Variants in TLX1 observed in about 807,000 individuals in gnomAD.
The protein encoded by TLX1 is T cell leukemia homeobox 1.
In TLX1, 6 loss-of-function variants were observed where a neutral mutation model predicts 26.5. The ratio of observed to expected loss-of-function variants is 0.23; its 90% confidence interval spans 0.12 to 0.45. The LOEUF (loss-of-function observed/expected upper bound fraction) is 0.45, where lower values mean the gene tolerates loss of function less well. Among genes scored for constraint, TLX1 ranks in the 20% least tolerant of loss-of-function variants. TLX1 has a pLI of 0.99. For missense variants in TLX1, 418 were observed against 482.6 expected (o/e 0.87, Z 1.25); for synonymous variants, 217 against 219.7 (o/e 0.99, Z 0.11).
At position 101,132,009 on chromosome 10, in the gene TLX1, C is replaced by G. The variant is rs767992994; in HGVS notation, c.468C>G (p.Thr156=). 12 of 1,525,322 alleles carry G rather than the reference C, an allele frequency of 7.9e-6. No individual in the cohort carries two copies. The highest frequency in any genetic ancestry group is 9.6e-6 in the Non-Finnish European group (11 of 1,145,264). 94.5% of individuals were successfully genotyped at this position (1,525,322 alleles called of 1,614,324 possible). ...HPQPLATGLP[T]VPSVPAMPGV... ...AGCCCCTGGCCACCGGCTTGCCCACCGTGCCCTCTGTGCCTGCCATGCCGG... is the reference window on the plus strand; with the variant it reads ...AGCCCCTGGCCACCGGCTTGCCCACGGTGCCCTCTGTGCCTGCCATGCCGG... The change falls in exon 1 of 3, where the codon ACC becomes ACG. Residue 156 remains threonine (T), a synonymous_variant. Coordinates refer to ENST00000370196, the MANE Select transcript of TLX1 (RefSeq NM_005521.4). This position sits in a 1 kb window ranked among gnomAD's most constrained non-coding sequence, Gnocchi z 4.1.
chr10:101,137,295 A>G lies in TLX1; in HGVS notation c.*382A>G. On this transcript the variant is annotated 3_prime_UTR_variant, in exon 3 of 3. Transcript: ENST00000370196. ...TGCCCTGGGAAACCCCTTCTCTGTG[A>G]CCCACTTCTCATCACACACATGGAA... is the stretch of plus-strand genomic sequence containing the variant. The G allele has an allele frequency of 6.1e-6, 2 of 327,712 alleles. No individual in the cohort carries two copies. The highest frequency in any genetic ancestry group is 1.1e-4 in the South Asian group (2 of 18,148). 20.3% of individuals were successfully genotyped at this position (327,712 alleles called of 1,614,324 possible). A position where few individuals can be genotyped will look rare whatever the true frequency, so the allele number is the denominator to read the frequency against.
chr10:101,131,607 C>T lies in TLX1; in HGVS notation c.66C>T (p.Asp22=). ...CAGAGCCCATTAGCTTCGGCATCGACCAGATCCTCAACAGCCCGGACCAGG... is the reference window on the plus strand; with the variant it reads ...CAGAGCCCATTAGCTTCGGCATCGATCAGATCCTCAACAGCCCGGACCAGG... ...GHAEPISFGI[D]QILNSPDQGG... The change falls in exon 1 of 3, where the codon GAC becomes GAT. Residue 22 remains aspartate, a synonymous_variant. Transcript: ENST00000370196. 2 of 1,565,864 alleles carry T rather than the reference C, an allele frequency of 1.3e-6. No individual in the cohort carries two copies. Among genetic ancestry groups the T allele is most frequent in the Non-Finnish European group, 1.7e-6 (2 of 1,159,222 alleles).
chr10:101,132,084 C>G lies in TLX1; in HGVS notation c.543C>G (p.Arg181=), dbSNP rs1401947921. ...CCTTCCCCTGGATGGAGAGTAACCG[C>G]AGATACACAAAGGACAGGTTCACAG... The part of the protein sequence containing the change: ...GLTFPWMESN[R]RYTKDRFTGH... Residue 181 remains arginine, a synonymous_variant, in exon 1 of 3, where the codon CGC becomes CGG. Coordinates refer to ENST00000370196, the MANE Select transcript of TLX1 (RefSeq NM_005521.4). This position sits in a 1 kb window ranked among gnomAD's most constrained non-coding sequence, Gnocchi z 4.1. 2 of 1,433,218 alleles carry G rather than the reference C, an allele frequency of 1.4e-6. No individual in the cohort carries two copies. Among genetic ancestry groups the G allele is most frequent in the Non-Finnish European group, 9.1e-7 (1 of 1,097,526 alleles). 88.8% of individuals were successfully genotyped at this position (1,433,218 alleles called of 1,614,324 possible).
At position 101,131,413 on chromosome 10, in the gene TLX1, C is replaced by T. The variant is rs531859900; in HGVS notation, c.-129C>T. 3.2e-5 allele frequency: 20 copies of T among 625,330 alleles called. No homozygotes were observed. The South Asian group carries it at 7.9e-4, about 25-fold the overall frequency. 38.7% of individuals were successfully genotyped at this position (625,330 alleles called of 1,614,324 possible). A position where few individuals can be genotyped will look rare whatever the true frequency, so the allele number is the denominator to read the frequency against. ...CCCTCCCCCTTCTACTTTAGCCTTTCTGCGCACTTCGCTTCCAAGTCTCCG... is the reference window on the plus strand; with the variant it reads ...CCCTCCCCCTTCTACTTTAGCCTTTTTGCGCACTTCGCTTCCAAGTCTCCG... On this transcript the variant is annotated 5_prime_UTR_variant, in exon 1 of 3. Transcript: ENST00000370196.
At chr10:101,133,031 G>T (rs959824727) in intron 1 of TLX1, 2 of 152,340 alleles carry the variant, frequency 1.3e-5, no homozygotes, top group Admixed American at 6.5e-5. Context: ...CCTAGACCAC[G>T]ATCCTTCCGT....
rs1232606098 is a variant in TLX1, at chr10:101,132,818, G to C, written c.568+709G>C. 1 of 152,312 alleles carries C rather than the reference G, an allele frequency of 6.6e-6. No homozygotes were observed. Among genetic ancestry groups the C allele is most frequent in the African/African-American group, 2.4e-5 (1 of 41,444 alleles). 9.4% of individuals were successfully genotyped at this position (152,312 alleles called of 1,614,324 possible). A position where few individuals can be genotyped will look rare whatever the true frequency, so the allele number is the denominator to read the frequency against. ...GGCACGAACAATGCACCGGTAGGCT[G>C]GTGATCGGTGGCGGGAAGACTACTC... On this transcript the variant is annotated intron_variant, in intron 1 of 2. Coordinates refer to ENST00000370196, the MANE Select transcript of TLX1 (RefSeq NM_005521.4). The surrounding 1 kb of genome is among the most constrained non-coding windows in gnomAD (Gnocchi z 4.1).
At chr10:101,136,598 G>A (rs939195440) in intron 2 of TLX1, 93 bp from the exon 3 acceptor site, 1 of 1,606,220 alleles carries the variant, frequency 6.2e-7, no homozygotes, top group Non-Finnish European at 8.5e-7. Context: ...AGCAGCGCTC[G>A]TTCAGTTTAT....
intron 2 of TLX1, among the ~76,000 whole-genome samples, chr10:101,134,870 C>T (rs548422610): frequency 6.6e-6 from 1 of 152,222 alleles, no homozygotes; most frequent in East Asian, 1.9e-4. Context: ...ACGGTCTCCT[C>T]CCCCAGACAC....
At position 101,131,668 on chromosome 10, in the gene TLX1, G is replaced by C. The variant is rs1940173517; in HGVS notation, c.127G>C (p.Gly43Arg). The C allele has an allele frequency of 1.3e-6, 2 of 1,558,952 alleles. No homozygotes were observed. Among genetic ancestry groups the C allele is most frequent in the Non-Finnish European group, 8.6e-7 (1 of 1,157,628 alleles). ...GGGACCCGCCTCGCGCCTCCAGGACGGAGAATACGGCCTTGGCTGCTTGGT... is the reference window on the plus strand; with the variant it reads ...GGGACCCGCCTCGCGCCTCCAGGACCGAGAATACGGCCTTGGCTGCTTGGT... ...CMGPASRLQDGEYGLGCLVGG... is the reference protein window; with the variant it reads ...CMGPASRLQDREYGLGCLVGG... The change falls in exon 1 of 3, where the codon GGA (glycine) becomes CGA (arginine). Residue 43 changes from glycine (G) to arginine (R), a missense_variant. Transcript: ENST00000370196.
chr10:101,136,578 T>C, intron 2 of TLX1, 113 bp from the exon 3 acceptor site: 1 of 1,584,686 alleles, frequency 6.3e-7, no homozygotes, highest in African/African-American at 1.3e-5. Context: ...ATTTGGGGAC[T>C]GCAAAGGCGA....
chr10:101,137,004 G>A lies in TLX1; in HGVS notation c.*91G>A. ...ACTCCTCCCCACCCTCCTGGCCTCA[G>A]ACTGCACCCAGGAGGGGAACACTGC... On this transcript the variant is annotated 3_prime_UTR_variant, in exon 3 of 3. Transcript: ENST00000370196. 1 of 1,504,668 alleles carries A rather than the reference G, an allele frequency of 6.6e-7. No homozygotes were observed. The highest frequency in any genetic ancestry group is 1.4e-5 in the African/African-American group (1 of 72,768). The allele number at this position is 1,504,668 out of a possible 1,614,324, so 93.2% of individuals were successfully genotyped here.
At chr10:101,135,109 A>G (rs951176116) in intron 2 of TLX1, among the ~76,000 whole-genome samples, 1 of 152,184 alleles carries the variant, frequency 6.6e-6, no homozygotes, top group Non-Finnish European at 1.5e-5. Context: ...AAGCGTCCCC[A>G]ACACTCTCGA....
rs1364308037 is a variant in TLX1 at position 101,131,699 on chromosome 10, G to T, written c.158G>T (p.Gly53Val). 6.6e-7 allele frequency: 1 copy of T among 1,508,484 alleles called. No individual in the cohort carries two copies. 93.4% of individuals were successfully genotyped at this position (1,508,484 alleles called of 1,614,324 possible). Reference protein sequence around the residue: ...GEYGLGCLVGGAYTYGGGGSA... With the variant: ...GEYGLGCLVGVAYTYGGGGSA... Reference sequence around the variant, plus strand: ...TACGGCCTTGGCTGCTTGGTCGGAGGCGCCTACACTTACGGCGGCGGGGGC... The same window carrying T: ...TACGGCCTTGGCTGCTTGGTCGGAGTCGCCTACACTTACGGCGGCGGGGGC... Residue 53 changes from glycine (G) to valine (V), a missense_variant, in exon 1 of 3, where the codon GGC becomes GTC. By Grantham distance (109) the Gly-to-Val change is moderately radical. Coordinates refer to ENST00000370196, the MANE Select transcript of TLX1 (RefSeq NM_005521.4).
Position 101,134,249 on chromosome 10 carries a change from G to C in TLX1, c.643G>C (p.Glu215Gln). 1 of 1,611,542 alleles carries C rather than the reference G, an allele frequency of 6.2e-7. No individual in the cohort carries two copies. Among genetic ancestry groups the C allele is most frequent in the Non-Finnish European group, 8.5e-7 (1 of 1,179,180 alleles). Residue 215 changes from glutamate (E) to glutamine (Q), a missense_variant, in exon 2 of 3, where the codon GAG (glutamate) becomes CAG (glutamine). Physicochemically the swap from Glu to Gln is conservative, Grantham distance 29. Around this residue, in one of 3 missense-constraint regions of TLX1, gnomAD observed 322 missense variants for 344.6 expected, o/e 0.93. Transcript: ENST00000370196. ...GTCCTTCACACGCCTGCAGATCTGC[G>C]AGCTGGAGAAGCGCTTCCACCGCCA... ...RTSFTRLQIC[E>Q]LEKRFHRQKY...
chr10:101,131,901 C>A lies in TLX1; in HGVS notation c.360C>A (p.Ser120Arg). Residue 120 changes from serine (S) to arginine (R), a missense_variant, in exon 1 of 3, where the codon AGC (serine) becomes AGA (arginine). Around this residue, in one of 3 missense-constraint regions of TLX1, gnomAD observed 322 missense variants for 344.6 expected, o/e 0.93. Transcript: ENST00000370196. ...GPGPGGGGGS[S>R]GGAGALSAAG... Reference sequence around the variant, plus strand: ...GTCCTGGCGGCGGCGGCGGCAGCAGCGGCGGTGCCGGGGCACTCAGCGCTG... The same window carrying A: ...GTCCTGGCGGCGGCGGCGGCAGCAGAGGCGGTGCCGGGGCACTCAGCGCTG... The A allele has an allele frequency of 2.9e-6, 4 of 1,392,672 alleles. No individual in the cohort carries two copies. The highest frequency in any genetic ancestry group is 2.8e-6 in the Non-Finnish European group (3 of 1,082,108). The allele number at this position is 1,392,672 out of a possible 1,614,324, so 86.3% of individuals were successfully genotyped here.
At position 101,136,703 on chromosome 10, in the gene TLX1, G is replaced by A; in HGVS notation, c.783G>A (p.Ala261=). ...NRRTKWRRQT[A]EEREAERQQA... ...GTTCCCGGTGCAGACGGCAGACTGC[G>A]GAGGAACGGGAGGCCGAGAGGCAGC... Residue 261 remains alanine, a synonymous_variant, in exon 3 of 3, where the codon GCG becomes GCA. Transcript: ENST00000370196. 1.9e-6 allele frequency: 3 copies of A among 1,612,692 alleles called. No homozygotes were observed. Among genetic ancestry groups the A allele is most frequent in the Non-Finnish European group, 2.5e-6 (3 of 1,179,958 alleles).
At position 101,137,691 on chromosome 10, in the gene TLX1, G is replaced by A. The variant is rs1382215115; in HGVS notation, c.*778G>A. On this transcript the variant is annotated 3_prime_UTR_variant, in exon 3 of 3. Transcript: ENST00000370196. ...GAACCCATTTGAGGGGTGGGGGGGTGTTAATTTATGCACTTATAAGGTGTT... is the reference window on the plus strand; with the variant it reads ...GAACCCATTTGAGGGGTGGGGGGGTATTAATTTATGCACTTATAAGGTGTT... The A allele has an allele frequency of 8.6e-6, 2 of 231,668 alleles. No homozygotes were observed. Among genetic ancestry groups the A allele is most frequent in the Non-Finnish European group, 1.7e-5 (2 of 116,906 alleles). 14.4% of individuals were successfully genotyped at this position (231,668 alleles called of 1,614,324 possible).
In TLX1 at chr10:101,136,960, C is replaced by G. The variant is rs1403543088; in HGVS notation, c.*47C>G. The G allele has an allele frequency of 1.9e-6, 3 of 1,601,218 alleles. No individual in the cohort carries two copies. The highest frequency in any genetic ancestry group is 2.6e-6 in the Non-Finnish European group (3 of 1,172,286). On this transcript the variant is annotated 3_prime_UTR_variant, in exon 3 of 3. Coordinates refer to ENST00000370196, the MANE Select transcript of TLX1 (RefSeq NM_005521.4). ...GGACCCCAGGCCCACTCAGGGGTCACTGAGGCCTGAGACCCAGGACTCCTC... is the reference window on the plus strand; with the variant it reads ...GGACCCCAGGCCCACTCAGGGGTCAGTGAGGCCTGAGACCCAGGACTCCTC...
Position 101,132,074 on chromosome 10 carries a change from A to C in TLX1, c.533A>C (p.Glu178Ala). ...NLTGLTFPWM[E>A]SNRRYTKDRF... ...ACTGGCCTCACCTTCCCCTGGATGGAGAGTAACCGCAGATACACAAAGGAC... is the reference window on the plus strand; with the variant it reads ...ACTGGCCTCACCTTCCCCTGGATGGCGAGTAACCGCAGATACACAAAGGAC... Residue 178 changes from glutamate (E) to alanine (A), a missense_variant, in exon 1 of 3, where the codon GAG becomes GCG. Physicochemically the swap from Glu to Ala is moderately radical, Grantham distance 107. Transcript: ENST00000370196. The surrounding 1 kb of genome is among the most constrained non-coding windows in gnomAD (Gnocchi z 4.1). 1 of 1,448,400 alleles carries C rather than the reference A, an allele frequency of 6.9e-7. No individual in the cohort carries two copies. The highest frequency in any genetic ancestry group is 9.0e-7 in the Non-Finnish European group (1 of 1,106,000). 89.7% of individuals were successfully genotyped at this position (1,448,400 alleles called of 1,614,324 possible). A position where few individuals can be genotyped will look rare whatever the true frequency, so the allele number is the denominator to read the frequency against.
Sources: allele counts gnomAD v4.1 joint callset (sites outside exome capture counted in the v4.1 genomes callset), GRCh38; gene constraint gnomAD v4.1.1; regional missense constraint gnomAD v4.1.1; non-coding constraint Gnocchi (gnomAD v3.1); transcripts MANE v1.5; gene names NCBI Gene and HGNC (gene_info 2026-07-23, HGNC 2026-07-21).